Variants in SPTBN4 observed in about 807,000 individuals in gnomAD.
The protein encoded by SPTBN4 is spectrin beta chain, non-erythrocytic 4.
Under a neutral mutation model 277.8 loss-of-function variants are expected in SPTBN4, and 96 were observed. The observed-to-expected ratio is 0.35, with a 90% CI of 0.29 to 0.41. The LOEUF (loss-of-function observed/expected upper bound fraction) is 0.41, where lower values mean the gene tolerates loss of function less well. SPTBN4 is among the 10% of genes least tolerant of loss of function. The pLI is 1.00. For synonymous variants in SPTBN4, 1,481 were observed against 1,580.3 expected, an observed-to-expected ratio of 0.94 and a Z score of 1.49; for missense variants, 3,006 against 3,595.7, an observed-to-expected ratio of 0.84 and a Z score of 4.19.
chr19:40,573,829 T>C (rs932752314), intron 35 of SPTBN4, among the ~76,000 whole-genome samples: 5 of 142,174 alleles, frequency 3.5e-5, no homozygotes, highest in Admixed American at 7.1e-5. Context: ...AGGCCGGGCA[T>C]GGTGGCTCAC....
Position 40,575,970 on chromosome 19 carries a change from G to T in SPTBN4, c.*401G>T, listed in dbSNP as rs2081198697. The T allele has an allele frequency of 5.9e-6, 1 of 170,822 alleles. No individual in the cohort carries two copies. The highest frequency in any genetic ancestry group is 6.0e-5 in the Admixed American group (1 of 16,760). 10.6% of individuals were successfully genotyped at this position (170,822 alleles called of 1,614,324 possible). On this transcript the variant is annotated 3_prime_UTR_variant, in exon 36 of 36. Coordinates refer to ENST00000598249, the MANE Select transcript of SPTBN4 (RefSeq NM_020971.3). ...CTGCCCTAGGGATGGGCACGGGGGCGCTGGTGAGGTCCCCTGGACCATCCA... is the reference window on the plus strand; with the variant it reads ...CTGCCCTAGGGATGGGCACGGGGGCTCTGGTGAGGTCCCCTGGACCATCCA...
At chr19:40,550,351 C>T (rs761220185) in intron 22 of SPTBN4, 24 bp downstream of exon 22, 16 of 1,598,280 alleles carry the variant, frequency 1.0e-5, no homozygotes, top group East Asian at 4.5e-5. Flanking sequence ...GGTGAGGGAG[C>T]GAGTTAGGAC....
chr19:40,538,390 CAA>C (rs1233852253), intron 20 of SPTBN4, among the ~76,000 whole-genome samples: 23 of 105,074 alleles, frequency 2.2e-4, no homozygotes, highest in Admixed American at 2.9e-4. Flanking sequence ...GACTCTGTCT[CAA>C]AAAAAAAAAA....
At position 40,512,701 on chromosome 19, in the gene SPTBN4, G is replaced by A. The variant is rs781131510; in HGVS notation, c.1912G>A (p.Ala638Thr). The change falls in exon 14 of 36, where the codon GCG becomes ACG. Residue 638 changes from alanine to threonine, a missense_variant. Physicochemically the swap from Ala to Thr is moderately conservative, Grantham distance 58 (BLOSUM62 0). Coordinates refer to ENST00000598249, the MANE Select transcript of SPTBN4 (RefSeq NM_020971.3). ...GCAGGAGCAGGCAGCGCGGCGACGCGCGGAGCTGGAGGCTTCGCGGAGCCT... is the reference window on the plus strand; with the variant it reads ...GCAGGAGCAGGCAGCGCGGCGACGCACGGAGCTGGAGGCTTCGCGGAGCCT... Reference protein sequence around the residue: ...ELQEQAARRRAELEASRSLWA... With the variant: ...ELQEQAARRRTELEASRSLWA... 11 of 1,527,218 alleles carry A rather than the reference G, an allele frequency of 7.2e-6. No homozygotes were observed. The East Asian group carries it at 2.3e-4, about 32-fold the overall frequency. The allele number at this position is 1,527,218 out of a possible 1,614,324, so 94.6% of individuals were successfully genotyped here.
At position 40,512,876 on chromosome 19, in the gene SPTBN4, G is replaced by A; in HGVS notation, c.2087G>A (p.Arg696His). Residue 696 changes from arginine (R) to histidine (H), a missense_variant, in exon 14 of 36, where the codon CGC becomes CAC. Arg to His is a conservative substitution (Grantham distance 29, BLOSUM62 0). Transcript: ENST00000598249. ...GGAHDLSSTA[R>H]LLAQHKILQG... ...GCGCATGACCTGTCCAGCACAGCGC[G>A]CCTCCTGGCCCAGCACAAGATCCTG... The A allele has an allele frequency of 6.9e-7, 1 of 1,446,856 alleles. No individual in the cohort carries two copies. The highest frequency in any genetic ancestry group is 1.4e-5 in the South Asian group (1 of 72,352). 89.6% of individuals were successfully genotyped at this position (1,446,856 alleles called of 1,614,324 possible).
intron 19 of SPTBN4, among the ~76,000 whole-genome samples, chr19:40,533,191 A>C (rs1269631193): frequency 6.6e-6 from 1 of 152,148 alleles, no homozygotes; most frequent in African/African-American, 2.4e-5. Flanking sequence ...TATGCCTGTT[A>C]CCAGCTGTGG....
chr19:40,575,014 CAA>C (rs11458145), intron 35 of SPTBN4, among the ~76,000 whole-genome samples: 17 of 90,062 alleles, frequency 1.9e-4, no homozygotes, highest in Admixed American at 3.9e-4. Flanking sequence ...GACTCTGTCT[CAA>C]AAAAAAAAAA....
chr19:40,570,823 T>C, intron 33 of SPTBN4, 95 bp downstream of exon 33: 1 of 1,307,496 alleles, frequency 7.6e-7, no homozygotes, highest in Non-Finnish European at 1.0e-6. Flanking sequence ...TGGCTCAACT[T>C]CAGGCCCTCC....
chr19:40,574,353 T>G (rs981271498), intron 35 of SPTBN4, among the ~76,000 whole-genome samples: 1 of 151,430 alleles, frequency 6.6e-6, no homozygotes, highest in African/African-American at 2.4e-5. Flanking sequence ...CAAGATGCAA[T>G]GAAGAAGTGG....
chr19:40,497,479 C>T lies in SPTBN4; in HGVS notation c.669-10C>T, dbSNP rs1463953277. 1 of 1,608,964 alleles carries T rather than the reference C, an allele frequency of 6.2e-7. No homozygotes were observed. Among genetic ancestry groups the T allele is most frequent in the Admixed American group, 1.7e-5 (1 of 60,004 alleles). On this transcript the variant is annotated splice_polypyrimidine_tract_variant and intron_variant, in intron 6 of 35. Coordinates refer to ENST00000598249, the MANE Select transcript of SPTBN4 (RefSeq NM_020971.3). ...TGCCTGCTGCCTGCCTGCTCTGTGC[C>T]CCTGCCCAGGCCTGATCTCGTGGAC...
chr19:40,538,423 C>T (rs1035990557), intron 20 of SPTBN4, among the ~76,000 whole-genome samples: 17 of 151,312 alleles, frequency 1.1e-4, no homozygotes, highest in East Asian at 3.9e-4. Context: ...AAAGAAAGAA[C>T]GGCAGCCAGA....
At chr19:40,508,552 G>A (rs1306181678) in intron 13 of SPTBN4, among the ~76,000 whole-genome samples, 1 of 152,172 alleles carries the variant, frequency 6.6e-6, no homozygotes, top group Non-Finnish European at 1.5e-5. Context: ...ATTTGGTGTG[G>A]TGGCATGAGC....
chr19:40,539,943 T>TTA (rs1415700259), intron 20 of SPTBN4, among the ~76,000 whole-genome samples: 1 of 151,720 alleles, frequency 6.6e-6, no homozygotes, highest in Non-Finnish European at 1.5e-5. Context: ...TTTTTTTTTT[T>TTA]AGACCAAGTT....
intron 2 of SPTBN4, among the ~76,000 whole-genome samples, chr19:40,481,539 G>A (rs892055758): frequency 2.6e-5 from 4 of 152,206 alleles, no homozygotes; most frequent in South Asian, 2.1e-4. Context: ...GCAGTGGCGC[G>A]ATCTCTGCTC....
Position 40,560,332 on chromosome 19 carries a change from C to T in SPTBN4, c.5844C>T (p.His1948=). ...VSSTADALRF[H]SQVRDLLSWM... ...CCACAGCCGACGCCCTGCGCTTCCA[C>T]AGCCAAGTCCGCGACCTGCTCTCCT... Residue 1948 remains histidine, a synonymous_variant, in exon 27 of 36, where the codon CAC becomes CAT. Coordinates refer to ENST00000598249, the MANE Select transcript of SPTBN4 (RefSeq NM_020971.3). This position sits in a 1 kb window ranked among gnomAD's most constrained non-coding sequence, Gnocchi z 5.2. 6.2e-7 allele frequency: 1 copy of T among 1,614,164 alleles called. No homozygotes were observed. Among genetic ancestry groups the T allele is most frequent in the Non-Finnish European group, 8.5e-7 (1 of 1,180,034 alleles).
At chr19:40,480,281 G>A (rs993698861) in intron 2 of SPTBN4, among the ~76,000 whole-genome samples, 9 of 151,520 alleles carry the variant, frequency 5.9e-5, no homozygotes, top group African/African-American at 2.2e-4. Flanking sequence ...TTAGCTGGGT[G>A]TGGTGGCATG....
chr19:40,535,149 G>A (rs1234374325), intron 20 of SPTBN4, among the ~76,000 whole-genome samples: 1 of 152,028 alleles, frequency 6.6e-6, no homozygotes, highest in Non-Finnish European at 1.5e-5. Flanking sequence ...TCAAACTCTT[G>A]GGCTCAAGTG....
intron 12 of SPTBN4, among the ~76,000 whole-genome samples, chr19:40,504,418 G>A (rs949760495): frequency 2.6e-5 from 4 of 152,188 alleles, no homozygotes; most frequent in African/African-American, 7.2e-5. Flanking sequence ...TGTAATACCA[G>A]CACTTTGGGA....
At chr19:40,505,382 C>CAAAAAAAAAA (rs1209780246) in intron 12 of SPTBN4, among the ~76,000 whole-genome samples, 9 of 55,854 alleles carry the variant, frequency 1.6e-4, no homozygotes, top group Non-Finnish European at 2.6e-4. Context: ...GACCCTGTCT[C>CAAAAAAAAAA]AAAAAAAAAA....
Sources: allele counts gnomAD v4.1 joint callset (sites outside exome capture counted in the v4.1 genomes callset), GRCh38; gene constraint gnomAD v4.1.1; non-coding constraint Gnocchi (gnomAD v3.1); transcripts MANE v1.5; gene names NCBI Gene and HGNC (gene_info 2026-07-23, HGNC 2026-07-21).